FAM184B: variants seen among roughly 807,000 people sequenced by gnomAD.
FAM184B encodes family with sequence similarity 184 member B.
A neutral mutation model predicts 135.9 loss-of-function variants in FAM184B; 111 were observed. That is an observed-to-expected ratio of 0.82 (90% CI 0.70 to 0.96). The LOEUF (loss-of-function observed/expected upper bound fraction) is 0.96, where lower values mean the gene tolerates loss of function less well. FAM184B is among the 40% of genes least tolerant of loss of function. The probability of loss-of-function intolerance (pLI) is 0.00; values close to 1 mark genes in which losing one functional copy is unlikely to be tolerated. For missense variants in FAM184B, 1,375 were observed against 1,323.9 expected (o/e 1.04, Z -0.60); for synonymous variants, 552 against 524.8 (o/e 1.05, Z -0.71).
intron 7 of FAM184B, among the ~76,000 whole-genome samples, chr4:17,666,723 C>T (rs1193639724): frequency 2.0e-5 from 3 of 151,914 alleles, no homozygotes; most frequent in African/African-American, 7.3e-5. Flanking sequence ...ATACATATCA[C>T]GGCCTAACGT....
At chr4:17,733,553 A>C (rs1180351583) in intron 1 of FAM184B, among the ~76,000 whole-genome samples, 2 of 152,226 alleles carry the variant, frequency 1.3e-5, no homozygotes, top group African/African-American at 2.4e-5. Context: ...ACAGAGAGCC[A>C]AATCATGAGT....
In FAM184B at chr4:17,632,674, A is replaced by C. The variant is rs573537965; in HGVS notation, c.3090-49T>G. On this transcript the variant is annotated intron_variant, in intron 17 of 17. Transcript: ENST00000265018. Reference sequence around the variant, plus strand: ...TATATGGTTTTGAAAACTATGCAAGAAGCAGCTTAATACCCACCATCTTTT... The same window carrying C: ...TATATGGTTTTGAAAACTATGCAAGCAGCAGCTTAATACCCACCATCTTTT... The C allele has an allele frequency of 1.3e-4, 169 of 1,275,358 alleles. 1 individual carries two copies. The South Asian group carries it at 1.7e-3, about 13-fold the overall frequency. 79.0% of individuals were successfully genotyped at this position (1,275,358 alleles called of 1,614,324 possible).
intron 1 of FAM184B, among the ~76,000 whole-genome samples, chr4:17,758,308 A>G (rs1718465333): frequency 6.6e-6 from 1 of 152,276 alleles, no homozygotes; most frequent in African/African-American, 2.4e-5. Flanking sequence ...GCAATGCTTC[A>G]TGATAAATCT....
At chr4:17,680,712 G>T (rs1429455633) in intron 7 of FAM184B, among the ~76,000 whole-genome samples, 1 of 152,124 alleles carries the variant, frequency 6.6e-6, no homozygotes, top group Non-Finnish European at 1.5e-5. Flanking sequence ...AAATAGATCT[G>T]CTTCTCCTTT....
intron 1 of FAM184B, among the ~76,000 whole-genome samples, chr4:17,733,605 A>G (rs1717837005): frequency 6.6e-6 from 1 of 152,204 alleles, no homozygotes; most frequent in African/African-American, 2.4e-5. Context: ...TAAAATACCT[A>G]GGAACCCAAT....
chr4:17,666,274 C>T (rs1418097982), intron 7 of FAM184B, among the ~76,000 whole-genome samples: 1 of 151,096 alleles, frequency 6.6e-6, no homozygotes, highest in Non-Finnish European at 1.5e-5. Context: ...ACCTAAGGAA[C>T]ACTCAACACT....
intron 1 of FAM184B, among the ~76,000 whole-genome samples, chr4:17,768,034 C>T (rs1368781365): frequency 2.0e-5 from 3 of 152,198 alleles, no homozygotes; most frequent in African/African-American, 7.2e-5. Flanking sequence ...ATGGGCATGG[C>T]TGTGTTCCAA....
intron 1 of FAM184B, among the ~76,000 whole-genome samples, chr4:17,768,083 T>A (rs952316363): frequency 6.6e-6 from 1 of 152,280 alleles, no homozygotes; most frequent in Non-Finnish European, 1.5e-5. Flanking sequence ...GAATTACATA[T>A]AATTTTCCAA....
chr4:17,718,782 C>A (rs1717453347), intron 1 of FAM184B, among the ~76,000 whole-genome samples: 1 of 152,244 alleles, frequency 6.6e-6, no homozygotes, highest in African/African-American at 2.4e-5. Flanking sequence ...GTGTGGAATG[C>A]AACTGGCTCA....
At chr4:17,736,177 G>A (rs182900890) in intron 1 of FAM184B, among the ~76,000 whole-genome samples, 77 of 152,260 alleles carry the variant, frequency 5.1e-4, no homozygotes, top group African/African-American at 1.5e-3. Flanking sequence ...AAACCAAGGT[G>A]TGGTGAAGCT....
At chr4:17,650,394 T>A (rs1300412227) in intron 11 of FAM184B, among the ~76,000 whole-genome samples, 1 of 152,184 alleles carries the variant, frequency 6.6e-6, no homozygotes, top group African/African-American at 2.4e-5. Flanking sequence ...AGCCTATGAT[T>A]TGTTGTCATC....
chr4:17,763,272 C>A (rs981028796), intron 1 of FAM184B, among the ~76,000 whole-genome samples: 1 of 152,076 alleles, frequency 6.6e-6, no homozygotes, highest in Non-Finnish European at 1.5e-5. Context: ...TGGGACAACA[C>A]CTCATAGGCT....
chr4:17,747,864 T>G (rs1219405387), intron 1 of FAM184B, among the ~76,000 whole-genome samples: 11 of 129,380 alleles, frequency 8.5e-5, no homozygotes, highest in East Asian at 4.5e-4. Flanking sequence ...GAGCTTGCAG[T>G]GAGCCGAGAT....
At chr4:17,641,142 C>T (rs1452168494) in intron 13 of FAM184B, among the ~76,000 whole-genome samples, 2 of 152,142 alleles carry the variant, frequency 1.3e-5, no homozygotes, top group Non-Finnish European at 2.9e-5. Flanking sequence ...CTATGTTGCC[C>T]AGGCTGGTCT....
intron 1 of FAM184B, among the ~76,000 whole-genome samples, chr4:17,764,320 G>C (rs1718611712): frequency 6.6e-6 from 1 of 152,194 alleles, no homozygotes; most frequent in African/African-American, 2.4e-5. Flanking sequence ...TCACAAAGCA[G>C]TTTATCGATC....
intron 1 of FAM184B, among the ~76,000 whole-genome samples, chr4:17,732,978 C>A (rs1458992440): frequency 1.3e-5 from 2 of 152,204 alleles, no homozygotes; most frequent in Non-Finnish European, 2.9e-5. Context: ...CATCAAAAAG[C>A]TTATCCACCA....
At chr4:17,744,417 G>A (rs1197892183) in intron 1 of FAM184B, among the ~76,000 whole-genome samples, 1 of 151,432 alleles carries the variant, frequency 6.6e-6, no homozygotes, top group Non-Finnish European at 1.5e-5. Flanking sequence ...TGGGGGCTGG[G>A]ACTAGGATTC....
chr4:17,693,257 G>C (rs6449324), intron 6 of FAM184B, 45 bp downstream of exon 6: 869,868 of 1,441,174 alleles, frequency 0.6, 266,715 homozygotes, highest in East Asian at 0.91. Context: ...AAGCTCCCAG[G>C]GACCAGAAAC....
chr4:17,725,102 T>G (rs1717611806), intron 1 of FAM184B, among the ~76,000 whole-genome samples: 1 of 152,128 alleles, frequency 6.6e-6, no homozygotes, highest in South Asian at 2.1e-4. Flanking sequence ...TTCGTCACCT[T>G]TGTGTCCCAA....
Sources: gnomAD v4.1 joint callset for allele counts (sites outside exome capture counted in the v4.1 genomes callset) on GRCh38, gnomAD v4.1.1 for gene constraint, MANE v1.5 for transcripts, NCBI Gene and HGNC (gene_info 2026-07-23, HGNC 2026-07-21) for gene names.